The following SLC48A1 variants were observed in gnomAD, a reference collection of about 807,000 sequenced individuals.
SLC48A1 encodes solute carrier family 48 member 1, also known as heme transporter HRG1.
In SLC48A1, 6 loss-of-function variants were observed where a neutral mutation model predicts 14.8. The ratio of observed to expected loss-of-function variants is 0.41; its 90% CI spans 0.22 to 0.80. SLC48A1 has a LOEUF of 0.80. SLC48A1 is among the 30% of genes least tolerant of loss of function. SLC48A1 has a pLI of 0.34. For missense variants in SLC48A1, 165 were observed against 204.8 expected, an observed-to-expected ratio of 0.81 and a Z score of 1.19; for synonymous variants, 89 against 90.0, an observed-to-expected ratio of 0.99 and a Z score of 0.06.
At chr12:47,773,562 A>G in intron 1 of SLC48A1, 122 bp downstream of exon 1, 6 of 1,217,706 alleles carry the variant, frequency 4.9e-6, no homozygotes, top group Non-Finnish European at 6.1e-6. Flanking sequence ...TGTTTACTCG[A>G]AAACAGCGGT....
At chr12:47,759,242 C>T (rs1942288022) in intron 1 of SLC48A1, 1 of 398,544 alleles carries the variant, frequency 2.5e-6, no homozygotes, top group Non-Finnish European at 3.4e-6. Context: ...ACTGCGGCCT[C>T]ACCCGGGAGG....
chr12:47,754,506 A>G (rs889677985), upstream of SLC48A1, among the ~76,000 whole-genome samples: 1 of 152,178 alleles, frequency 6.6e-6, no homozygotes, highest in Non-Finnish European at 1.5e-5. Context: ...TTGCGTTACC[A>G]TCTGGTTGTG....
chr12:47,780,091 A>G, intron 2 of SLC48A1, 54 bp from the exon 3 acceptor site: 1 of 1,477,746 alleles, frequency 6.8e-7, no homozygotes, highest in South Asian at 1.4e-5. Flanking sequence ...TGGCCGGTGC[A>G]GAGGCCGAGG....
At chr12:47,768,438 G>T, upstream of SLC48A1, 1 of 152,490 alleles carries the variant, frequency 6.6e-6, no homozygotes. Context: ...AGAGAGGACA[G>T]GGCAAATCCA....
chr12:47,773,242 T>C lies in SLC48A1; in HGVS notation c.-63T>C, dbSNP rs1942665232. ...GCTCCCGCGGCTCCGGCTGGCGGCT[T>C]CGGGCCCTGCACCTGTGACTCTCGG... On this transcript the variant is annotated 5_prime_UTR_variant, in exon 1 of 3. Coordinates refer to ENST00000442218, the MANE Select transcript of SLC48A1 (RefSeq NM_017842.3). 4 of 1,172,624 alleles carry C rather than the reference T, an allele frequency of 3.4e-6. No homozygotes were observed. Among genetic ancestry groups the C allele is most frequent in the Admixed American group, 9.4e-5 (2 of 21,278 alleles). The allele number at this position is 1,172,624 out of a possible 1,614,324, so 72.6% of individuals were successfully genotyped here.
chr12:47,780,225 T>C lies in SLC48A1; in HGVS notation c.385T>C (p.Tyr129His). Residue 129 changes from tyrosine to histidine, a missense_variant, in exon 3 of 3, where the codon TAT (tyrosine) becomes CAT (histidine). By Grantham distance (83) the Tyr-to-His change is moderately conservative. Coordinates refer to ENST00000442218, the MANE Select transcript of SLC48A1 (RefSeq NM_017842.3). ...SFKWAFLLSL[Y>H]AHRYRADFAD... ...CAAGTGGGCCTTCCTGCTCAGCCTC[T>C]ATGCCCACCGCTACCGGGCTGACTT... The C allele has an allele frequency of 1.2e-6, 2 of 1,614,234 alleles. No individual in the cohort carries two copies. The highest frequency in any genetic ancestry group is 2.2e-5 in the East Asian group (1 of 44,894).
Position 47,780,363 on chromosome 12 carries a change from A to C in SLC48A1, c.*82A>C, listed in dbSNP as rs1227446237. The C allele has an allele frequency of 6.2e-7, 1 of 1,601,188 alleles. No individual in the cohort carries two copies. ...TGAGATGTTGGGAGAGGCTACTCCC[A>C]CCCCCTGGTGACCCCAGAACTGTGG... On this transcript the variant is annotated 3_prime_UTR_variant, in exon 3 of 3. Coordinates refer to ENST00000442218, the MANE Select transcript of SLC48A1 (RefSeq NM_017842.3).
Position 47,780,574 on chromosome 12 carries a change from T to C in SLC48A1, c.*293T>C, listed in dbSNP as rs576794823. The C allele has an allele frequency of 7.3e-6, 4 of 551,106 alleles. No individual in the cohort carries two copies. The African/African-American group carries it at 7.8e-5, about 11-fold the overall frequency. The allele number at this position is 551,106 out of a possible 1,614,324, so 34.1% of individuals were successfully genotyped here. A position where few individuals can be genotyped will look rare whatever the true frequency, so the allele number is the denominator to read the frequency against. On this transcript the variant is annotated 3_prime_UTR_variant, in exon 3 of 3. Coordinates refer to ENST00000442218, the MANE Select transcript of SLC48A1 (RefSeq NM_017842.3). Reference sequence around the variant, plus strand: ...TTTTCTTTCTTTTTTTTTTCTTTTTTTTTTTTTTTTGAGATGGAGTCTTAC... The same window carrying C: ...TTTTCTTTCTTTTTTTTTTCTTTTTCTTTTTTTTTTGAGATGGAGTCTTAC...
upstream of SLC48A1, among the ~76,000 whole-genome samples, chr12:47,771,870 T>C (rs1388245721): frequency 6.6e-6 from 1 of 151,692 alleles, no homozygotes; most frequent in Non-Finnish European, 1.5e-5. Flanking sequence ...GAGGCAGAGA[T>C]TGCAGTGAGC....
At position 47,781,524 on chromosome 12, in the gene SLC48A1, A is replaced by G. The variant is rs945717332; in HGVS notation, c.*1243A>G. The G allele has an allele frequency of 5.2e-5, 8 of 153,218 alleles. No individual in the cohort carries two copies. Among genetic ancestry groups the G allele is most frequent in the Non-Finnish European group, 1.0e-4 (7 of 68,486 alleles). 9.5% of individuals were successfully genotyped at this position (153,218 alleles called of 1,614,324 possible). ...CAAGGGCTCACCTAACTTGGGAGGG[A>G]AGGGGCTGTTGGTACAAGGATGATT... is the stretch of plus-strand genomic sequence containing the variant. On this transcript the variant is annotated 3_prime_UTR_variant, in exon 3 of 3. Coordinates refer to ENST00000442218, the MANE Select transcript of SLC48A1 (RefSeq NM_017842.3).
chr12:47,779,808 C>T (rs981988842), intron 2 of SLC48A1, among the ~76,000 whole-genome samples: 5 of 152,236 alleles, frequency 3.3e-5, no homozygotes, highest in African/African-American at 1.2e-4. Context: ...AGGTCAGCGG[C>T]GGGCATTAGA....
chr12:47,768,131 C>T (rs1207944386), upstream of SLC48A1, among the ~76,000 whole-genome samples: 1 of 152,190 alleles, frequency 6.6e-6, no homozygotes, highest in African/African-American at 2.4e-5. Context: ...GCACGTGCCA[C>T]CACGCCTGGT....
chr12:47,758,897 G>C (rs1368405711), intron 1 of SLC48A1: 1 of 1,109,846 alleles, frequency 9.0e-7, no homozygotes, highest in Non-Finnish European at 1.1e-6. Flanking sequence ...GGTCCGGGCG[G>C]GAGCTGTCAC....
In SLC48A1 at chr12:47,777,240, G is replaced by A. The variant is rs910165211; in HGVS notation, c.137-1788G>A. On this transcript the variant is annotated intron_variant, in intron 1 of 2. Coordinates refer to ENST00000442218, the MANE Select transcript of SLC48A1 (RefSeq NM_017842.3). The surrounding 1 kb of genome is among the most constrained non-coding windows in gnomAD (Gnocchi z 4.5). ...TGGCCCACTCCAGCATCCAGACTAG[G>A]TGGGGAGGAACAGATGCTTGTCCTG... 6.6e-6 allele frequency among the ~76,000 whole-genome samples: 1 copy of A among 152,202 alleles called. No homozygotes were observed. The highest frequency in any genetic ancestry group is 2.4e-5 in the African/African-American group (1 of 41,442).
intron 2 of SLC48A1, among the ~76,000 whole-genome samples, chr12:47,760,671 T>A (rs993432642): frequency 1.3e-5 from 2 of 152,172 alleles, no homozygotes; most frequent in Non-Finnish European, 2.9e-5. Flanking sequence ...GTTTAATCCC[T>A]GCCACGATCC....
chr12:47,760,250 G>C (rs1942336214), exon 2 of SLC48A1: 1 of 985,362 alleles, frequency 1.0e-6, no homozygotes, highest in African/African-American at 1.7e-5. Context: ...AGAAACGCTG[G>C]TGGAGTTTTA....
At chr12:47,776,672 C>T (rs1003856170) in intron 1 of SLC48A1, among the ~76,000 whole-genome samples, 1 of 152,146 alleles carries the variant, frequency 6.6e-6, no homozygotes, top group Non-Finnish European at 1.5e-5. Flanking sequence ...TAAACCATGC[C>T]TGTTGTTAAC....
At chr12:47,770,080 C>T (rs549043992), upstream of SLC48A1, among the ~76,000 whole-genome samples, 67 of 152,206 alleles carry the variant, frequency 4.4e-4, no homozygotes, top group Non-Finnish European at 6.3e-4. Context: ...CCCAGGGTCA[C>T]AGCAAATGGT....
At position 47,779,051 on chromosome 12, in the gene SLC48A1, G is replaced by C. The variant is rs1458104804; in HGVS notation, c.160G>C (p.Val54Leu). Residue 54 changes from valine to leucine, a missense_variant, in exon 2 of 3, where the codon GTG (valine) becomes CTG (leucine). Physicochemically the swap from Val to Leu is conservative, Grantham distance 32 (BLOSUM62 1). Transcript: ENST00000442218. ...AGGGGTGCTGGCACTGTGGGTCCTGGTGACGCACGTGATGTACATGCAAGA... is the reference window on the plus strand; with the variant it reads ...AGGGGTGCTGGCACTGTGGGTCCTGCTGACGCACGTGATGTACATGCAAGA... ...LAGVLALWVL[V>L]THVMYMQDYW... is the part of the protein sequence containing the mutation. The C allele has an allele frequency of 6.4e-7, 1 of 1,551,624 alleles. No homozygotes were observed. Among genetic ancestry groups the C allele is most frequent in the Admixed American group, 2.0e-5 (1 of 50,980 alleles).
Sources: allele counts gnomAD v4.1 joint callset (sites outside exome capture counted in the v4.1 genomes callset), GRCh38; gene constraint gnomAD v4.1.1; non-coding constraint Gnocchi (gnomAD v3.1); transcripts MANE v1.5; gene names NCBI Gene and HGNC (gene_info 2026-07-23, HGNC 2026-07-21).